Variants in ZFHX3 observed in about 807,000 individuals in gnomAD.
ZFHX3 encodes the protein zinc finger homeobox 3.
ZFHX3 carries 42 observed loss-of-function variants against 279.1 expected under a neutral mutation model. The observed-to-expected ratio is 0.15, with a 90% CI of 0.12 to 0.19. ZFHX3 has a LOEUF of 0.19. Ranked by LOEUF, ZFHX3 falls within the 10% of genes least tolerant of loss-of-function variation. The probability of loss-of-function intolerance (pLI) is 1.00; values close to 1 mark genes in which losing one functional copy is unlikely to be tolerated. For synonymous variants in ZFHX3, 2,293 were observed against 1,957.8 expected, an observed-to-expected ratio of 1.17 and a Z score of -4.52; for missense variants, 4,981 against 4,754.0, an observed-to-expected ratio of 1.05 and a Z score of -1.40.
intron 5 of ZFHX3, among the ~76,000 whole-genome samples, chr16:73,202,956 T>TG (rs2011663788): frequency 6.6e-6 from 1 of 151,078 alleles, no homozygotes; most frequent in Non-Finnish European, 1.5e-5. Context: ...AACTTTTTTT[T>TG]TTCTTTTTCG....
intron 3 of ZFHX3, among the ~76,000 whole-genome samples, chr16:73,384,047 G>A (rs111533324): frequency 1.3e-5 from 2 of 152,246 alleles, no homozygotes; most frequent in African/African-American, 4.8e-5. Context: ...TTGGAATCAC[G>A]TTCTAATAAT....
intron 3 of ZFHX3, among the ~76,000 whole-genome samples, chr16:73,391,367 G>C (rs1374671943): frequency 6.6e-6 from 1 of 151,780 alleles, no homozygotes; most frequent in Non-Finnish European, 1.5e-5. Context: ...AGGCAGAACT[G>C]CTTGAACCCA....
intron 2 of ZFHX3, among the ~76,000 whole-genome samples, chr16:73,631,927 T>TCTCTCTCTCTCACA (rs1437204921): frequency 1.8e-4 from 24 of 136,724 alleles, no homozygotes; most frequent in African/African-American, 7.0e-4. Flanking sequence ...TCTCTCTCTC[T>TCTCTCTCTCTCACA]CACACACACA....
intron 1 of ZFHX3, among the ~76,000 whole-genome samples, chr16:72,988,429 G>T (rs1271358832): frequency 6.6e-6 from 1 of 152,206 alleles, no homozygotes; most frequent in East Asian, 1.9e-4. Context: ...TGTGGCCATC[G>T]AGGGGTCGAT....
chr16:73,861,879 A>G (rs1961889415), intron 1 of ZFHX3, among the ~76,000 whole-genome samples: 1 of 152,214 alleles, frequency 6.6e-6, no homozygotes, highest in South Asian at 2.1e-4. Context: ...TTTAGAAGAA[A>G]TCATTCATAT....
chr16:73,337,894 G>GGGGT (rs1555510891), intron 3 of ZFHX3, among the ~76,000 whole-genome samples: 1 of 143,454 alleles, frequency 7.0e-6, no homozygotes, highest in Admixed American at 6.9e-5. Flanking sequence ...TCCCTTGGCG[G>GGGGT]GGGGGGGGGT....
At chr16:73,595,506 C>T (rs1166883144) in intron 2 of ZFHX3, among the ~76,000 whole-genome samples, 1 of 152,098 alleles carries the variant, frequency 6.6e-6, no homozygotes, top group East Asian at 1.9e-4. Context: ...CTTTGCTTCC[C>T]TTCACGGGCT....
chr16:73,585,118 C>T (rs916691348), intron 2 of ZFHX3, among the ~76,000 whole-genome samples: 1 of 152,192 alleles, frequency 6.6e-6, no homozygotes, highest in Non-Finnish European at 1.5e-5. Context: ...CACTTTTACA[C>T]TCTTGGTAAA....
chr16:73,787,542 T>C (rs1959684176), intron 1 of ZFHX3, among the ~76,000 whole-genome samples: 1 of 152,178 alleles, frequency 6.6e-6, no homozygotes, highest in South Asian at 2.1e-4. Flanking sequence ...CATTAACAAT[T>C]TGGGTGAGAC....
intron 3 of ZFHX3, among the ~76,000 whole-genome samples, chr16:73,334,359 T>C (rs944854160): frequency 2.6e-5 from 4 of 152,012 alleles, no homozygotes; most frequent in Non-Finnish European, 5.9e-5. Flanking sequence ...GAAGGGGATG[T>C]CAAGGGCATG....
intron 1 of ZFHX3, among the ~76,000 whole-genome samples, chr16:73,011,249 G>A (rs1210222544): frequency 6.6e-6 from 1 of 151,950 alleles, no homozygotes; most frequent in African/African-American, 2.4e-5. Flanking sequence ...CTCCCAATGT[G>A]CTGGGATTAC....
chr16:73,644,258 G>A (rs752287164), intron 2 of ZFHX3, among the ~76,000 whole-genome samples: 2 of 151,972 alleles, frequency 1.3e-5, no homozygotes, highest in Non-Finnish European at 2.9e-5. Flanking sequence ...GAAGCTCCAG[G>A]GCATAGTTCC....
At chr16:73,824,208 G>C (rs1326242196) in intron 1 of ZFHX3, among the ~76,000 whole-genome samples, 1 of 152,156 alleles carries the variant, frequency 6.6e-6, no homozygotes, top group Non-Finnish European at 1.5e-5. Flanking sequence ...TATGTTGCGT[G>C]TCTCAAATTT....
chr16:72,940,831 C>T (rs956082725), intron 3 of ZFHX3, among the ~76,000 whole-genome samples: 6 of 152,346 alleles, frequency 3.9e-5, no homozygotes, highest in Non-Finnish European at 5.9e-5. Context: ...ACATTTCTAA[C>T]CTTCTAACTA....
At chr16:72,969,999 T>C (rs1167578052) in intron 1 of ZFHX3, among the ~76,000 whole-genome samples, 1 of 152,170 alleles carries the variant, frequency 6.6e-6, no homozygotes, top group Non-Finnish European at 1.5e-5. Context: ...TGGGCCTCCA[T>C]GTTTGCTAAT....
intron 3 of ZFHX3, among the ~76,000 whole-genome samples, chr16:73,378,539 TA>T (rs1169161486): frequency 6.6e-6 from 1 of 152,144 alleles, no homozygotes; most frequent in African/African-American, 2.4e-5. Context: ...TGCTAAAGGT[TA>T]AAAAAACTAT....
chr16:73,300,230 A>C (rs1172764651), intron 4 of ZFHX3, among the ~76,000 whole-genome samples: 1 of 148,154 alleles, frequency 6.7e-6, no homozygotes, highest in Non-Finnish European at 1.5e-5. Flanking sequence ...CCCACTGCAC[A>C]CTAGCCTGGG....
intron 1 of ZFHX3, among the ~76,000 whole-genome samples, chr16:73,764,992 C>G (rs550030956): frequency 1.3e-5 from 2 of 152,344 alleles, no homozygotes; most frequent in African/African-American, 4.8e-5. Context: ...GATCTGAAGA[C>G]TCTTTTCCCA....
chr16:73,610,791 T>A (rs1021009878), intron 2 of ZFHX3, among the ~76,000 whole-genome samples: 4 of 152,202 alleles, frequency 2.6e-5, no homozygotes, highest in African/African-American at 7.2e-5. Context: ...TCAACACTAG[T>A]TTAGGATTCT....
Sources: gnomAD v4.1 joint callset for allele counts (sites outside exome capture counted in the v4.1 genomes callset) on GRCh38, gnomAD v4.1.1 for gene constraint, MANE v1.5 for transcripts, NCBI Gene and HGNC (gene_info 2026-07-23, HGNC 2026-07-21) for gene names.